The following RIPOR2 variants were observed in gnomAD, a reference collection of about 807,000 sequenced individuals.
The protein encoded by RIPOR2 is RHO family interacting cell polarization regulator 2.
RIPOR2 carries 39 observed loss-of-function variants against 114.5 expected under a neutral mutation model. The observed-to-expected ratio is 0.34, with a 90% confidence interval of 0.26 to 0.44. The LOEUF (loss-of-function observed/expected upper bound fraction) is 0.44. Ranked by LOEUF, RIPOR2 falls within the 20% of genes least tolerant of loss-of-function variation. The pLI, the probability that RIPOR2 is intolerant of heterozygous loss-of-function variation, is 1.00. For missense variants in RIPOR2, 1,007 were observed against 1,255.1 expected (o/e 0.80, Z 2.99); for synonymous variants, 445 against 484.4 (o/e 0.92, Z 1.07).
chr6:24,981,922 G>A (rs1581909321), intron 1 of RIPOR2, among the ~76,000 whole-genome samples: 1 of 152,238 alleles, frequency 6.6e-6, no homozygotes, highest in East Asian at 1.9e-4. Context: ...GGCATAGAGA[G>A]GAAGGGGGCT....
chr6:24,835,566 G>T, intron 15 of RIPOR2, 137 bp downstream of exon 15: 1 of 966,820 alleles, frequency 1.0e-6, no homozygotes. Flanking sequence ...CAGAGTTTTT[G>T]ACTTGGCTCA....
At chr6:25,021,747 T>A (rs1776332265) in intron 1 of RIPOR2, among the ~76,000 whole-genome samples, 1 of 152,190 alleles carries the variant, frequency 6.6e-6, no homozygotes, top group East Asian at 1.9e-4. Context: ...AACTTACTTA[T>A]GTAACTAAAT....
intron 1 of RIPOR2, among the ~76,000 whole-genome samples, chr6:24,987,037 G>C (rs1024506374): frequency 2.0e-5 from 3 of 152,216 alleles, no homozygotes; most frequent in African/African-American, 7.2e-5. Context: ...GGGCTGGGCA[G>C]GCTTGCTTTA....
In RIPOR2 at chr6:25,005,736, T is replaced by TACAC. The variant is rs1473062786; in HGVS notation, c.76+36114_76+36115insGTGT. Among the ~76,000 whole-genome samples the TACAC allele has an allele frequency of 7.8e-4, 78 of 100,240 alleles. 3 individuals are homozygous for TACAC. The highest frequency in any genetic ancestry group is 1.9e-3 in the African/African-American group (53 of 27,834). The allele number at this position is 100,240 out of a possible 152,430, so 65.8% of individuals were successfully genotyped here. A position where few individuals can be genotyped will look rare whatever the true frequency, so the allele number is the denominator to read the frequency against. Reference sequence around the variant, plus strand: ...ATATATATATATATATATATATATATATATACATTTACCGATCAAAAGATA... The same window carrying TACAC: ...ATATATATATATATATATATATATATACACATATACATTTACCGATCAAAAGATA... On this transcript the variant is annotated intron_variant, in intron 1 of 13. Coordinates refer to the RIPOR2 transcript ENST00000510784.
chr6:24,936,018 C>T (rs188774287), upstream of RIPOR2: 374 of 677,996 alleles, frequency 5.5e-4, no homozygotes, highest in Middle Eastern at 2.7e-3. Flanking sequence ...GGGCAGCTTC[C>T]GCATCTGCCC....
At chr6:25,031,817 A>T (rs1409158973) in intron 1 of RIPOR2, among the ~76,000 whole-genome samples, 1 of 141,766 alleles carries the variant, frequency 7.1e-6, no homozygotes, top group Non-Finnish European at 1.5e-5. Flanking sequence ...TCCATAGAAC[A>T]TATATATTAT....
chr6:25,019,241 A>G (rs1228707216), intron 1 of RIPOR2, among the ~76,000 whole-genome samples: 1 of 152,212 alleles, frequency 6.6e-6, no homozygotes, highest in Non-Finnish European at 1.5e-5. Flanking sequence ...TGTTTTTAAC[A>G]TAAATACTCT....
Position 24,806,407 on chromosome 6 carries a change from C to T in RIPOR2, c.3110G>A (p.Gly1037Asp). ...TGTGGCAACTTCAGTTCCATGACGA[C>T]CTCCGACTTTAACACAGTCTCGAGG... ...KFPRDCVKVG[G>D]RHGTEVATAF Residue 1037 changes from glycine to aspartate, a missense_variant, in exon 22 of 22, where the codon GGT (glycine) becomes GAT (aspartate). Coordinates refer to ENST00000643898, the MANE Select transcript of RIPOR2 (RefSeq NM_001286445.3). The T allele has an allele frequency of 1.3e-6, 2 of 1,551,650 alleles. No individual in the cohort carries two copies. The highest frequency in any genetic ancestry group is 1.7e-6 in the Non-Finnish European group (2 of 1,146,934).
chr6:24,830,271 G>A (rs1312538566), intron 17 of RIPOR2, among the ~76,000 whole-genome samples: 2 of 152,002 alleles, frequency 1.3e-5, no homozygotes, highest in Non-Finnish European at 2.9e-5. Context: ...TGGCCAAAAT[G>A]TAGTAGCTTT....
chr6:24,929,338 T>A (rs1438136317), intron 1 of RIPOR2: 1 of 152,162 alleles, frequency 6.6e-6, no homozygotes, highest in Non-Finnish European at 1.5e-5. Flanking sequence ...GACACGTCCC[T>A]CTTCAGCCTA....
intron 1 of RIPOR2, among the ~76,000 whole-genome samples, chr6:25,021,305 T>C (rs1392593229): frequency 6.9e-6 from 1 of 145,180 alleles, no homozygotes; most frequent in African/African-American, 2.6e-5. Flanking sequence ...AGGTATGAGC[T>C]TTGAGTGCTA....
intron 1 of RIPOR2, among the ~76,000 whole-genome samples, chr6:25,005,251 G>A (rs1252568686): frequency 6.6e-6 from 1 of 152,090 alleles, no homozygotes; most frequent in African/African-American, 2.4e-5. Flanking sequence ...TTTCATCTAC[G>A]AGGCTGACTC....
intron 1 of RIPOR2, among the ~76,000 whole-genome samples, chr6:24,983,224 A>T (rs923138687): frequency 6.6e-6 from 1 of 151,670 alleles, no homozygotes; most frequent in Non-Finnish European, 1.5e-5. Context: ...ACACATACAT[A>T]TATACACACA....
chr6:24,951,809 T>G (rs1772779930), intron 1 of RIPOR2, among the ~76,000 whole-genome samples: 1 of 152,192 alleles, frequency 6.6e-6, no homozygotes, highest in Admixed American at 6.5e-5. Flanking sequence ...AATAATCAGC[T>G]TTGGCAGCAA....
At chr6:24,837,882 A>G (rs955202757) in intron 14 of RIPOR2, among the ~76,000 whole-genome samples, 1 of 151,816 alleles carries the variant, frequency 6.6e-6, no homozygotes, top group African/African-American at 2.4e-5. Context: ...TTTCAGGGAG[A>G]TTTGTGAAGG....
intron 1 of RIPOR2, among the ~76,000 whole-genome samples, chr6:24,993,479 A>G (rs980478158): frequency 1.3e-5 from 2 of 152,158 alleles, no homozygotes; most frequent in African/African-American, 2.4e-5. Flanking sequence ...GAGTGTCATT[A>G]TGTGTGAGAT....
intron 1 of RIPOR2, among the ~76,000 whole-genome samples, chr6:24,972,375 G>T (rs1773826163): frequency 6.6e-6 from 1 of 152,144 alleles, no homozygotes; most frequent in South Asian, 2.1e-4. Context: ...TCCTGCTCCT[G>T]GTCAGTTCAC....
At chr6:24,918,351 G>C (rs1770243269) in intron 1 of RIPOR2, among the ~76,000 whole-genome samples, 1 of 152,272 alleles carries the variant, frequency 6.6e-6, no homozygotes, top group South Asian at 2.1e-4. Flanking sequence ...CTTTTATCCA[G>C]TCATTCATAT....
At chr6:24,891,514 TAA>T (rs66763945) in intron 1 of RIPOR2, among the ~76,000 whole-genome samples, 1 of 148,370 alleles carries the variant, frequency 6.7e-6, no homozygotes, top group African/African-American at 2.5e-5. Context: ...AGTAACGAGA[TAA>T]AAAAAAAAGG....
Sources: gnomAD v4.1 joint callset for allele counts (sites outside exome capture counted in the v4.1 genomes callset) on GRCh38, gnomAD v4.1.1 for gene constraint, MANE v1.5 for transcripts, NCBI Gene and HGNC (gene_info 2026-07-23, HGNC 2026-07-21) for gene names.